Variants in GAB1 observed in about 807,000 individuals in gnomAD.
The protein encoded by GAB1 is GRB2 associated binding protein 1, also known as GRB2-associated-binding protein 1.
In GAB1, 19 loss-of-function variants were observed where a neutral mutation model predicts 66.5. The observed-to-expected ratio is 0.29, with a 90% CI of 0.20 to 0.42. The LOEUF (loss-of-function observed/expected upper bound fraction) is 0.42, where lower values mean the gene tolerates loss of function less well. Ranked by LOEUF, GAB1 falls within the 10% of genes least tolerant of loss-of-function variation. The probability of loss-of-function intolerance (pLI) is 1.00; values close to 1 mark genes in which losing one functional copy is unlikely to be tolerated. For synonymous variants in GAB1, 294 were observed against 301.4 expected, an observed-to-expected ratio of 0.98 and a Z score of 0.25; for missense variants, 732 against 858.5, an observed-to-expected ratio of 0.85 and a Z score of 1.84.
chr4:143,423,763 G>T (rs1733151778), intron 2 of GAB1, among the ~76,000 whole-genome samples: 1 of 121,700 alleles, frequency 8.2e-6, no homozygotes, highest in Admixed American at 1.0e-4. Context: ...GCAACAAAGC[G>T]AGACTCCATC....
intron 1 of GAB1, among the ~76,000 whole-genome samples, chr4:143,368,451 G>A (rs1355392996): frequency 1.3e-5 from 2 of 152,080 alleles, no homozygotes; most frequent in Non-Finnish European, 2.9e-5. Flanking sequence ...GTTGGAGTAG[G>A]AATTATAAAA....
At chr4:143,460,261 A>G in intron 7 of GAB1, 103 bp from the exon 8 acceptor site, 3 of 1,075,148 alleles carry the variant, frequency 2.8e-6, no homozygotes, top group Non-Finnish European at 1.4e-6. Flanking sequence ...AACATAAGGG[A>G]ATATTTCTGA....
chr4:143,382,039 G>A (rs1730678699), intron 1 of GAB1: 1 of 152,198 alleles, frequency 6.6e-6, no homozygotes, highest in South Asian at 2.1e-4. Context: ...AGGTGTGTTT[G>A]CTTTCCTCAA....
chr4:143,376,616 A>C (rs541274820), intron 1 of GAB1, among the ~76,000 whole-genome samples: 1 of 152,348 alleles, frequency 6.6e-6, no homozygotes, highest in African/African-American at 2.4e-5. Context: ...AATAGCTGAG[A>C]TATTAATATT....
At position 143,337,162 on chromosome 4, in the gene GAB1, C is replaced by T. The variant is rs1438657550; in HGVS notation, c.-27C>T. The T allele has an allele frequency of 5.8e-6, 9 of 1,557,492 alleles. No homozygotes were observed. Among genetic ancestry groups the T allele is most frequent in the South Asian group, 1.2e-5 (1 of 84,730 alleles). On this transcript the variant is annotated 5_prime_UTR_variant, in exon 1 of 10. Transcript: ENST00000262994. ...GCGCGCCCGCCGCCCCTCAGCTGCC[C>T]GGCCCGGAGCCCGAGACGCGCGCAC...
At chr4:143,410,451 T>TA (rs1732321784) in intron 1 of GAB1, among the ~76,000 whole-genome samples, 1 of 152,182 alleles carries the variant, frequency 6.6e-6, no homozygotes, top group South Asian at 2.1e-4. Flanking sequence ...TAATCCAGGT[T>TA]AAAAAATGTT....
intron 1 of GAB1, among the ~76,000 whole-genome samples, chr4:143,348,887 C>G (rs1462486700): frequency 2.0e-5 from 3 of 152,136 alleles, no homozygotes; most frequent in Non-Finnish European, 4.4e-5. Context: ...TGCACATGCT[C>G]TCCTCTCCTC....
At chr4:143,426,917 A>G (rs1733388746) in intron 2 of GAB1, among the ~76,000 whole-genome samples, 1 of 152,208 alleles carries the variant, frequency 6.6e-6, no homozygotes, top group South Asian at 2.1e-4. Flanking sequence ...TCACCTCTCT[A>G]TGGTAAATTA....
At chr4:143,367,261 C>G (rs1729920806) in intron 1 of GAB1, among the ~76,000 whole-genome samples, 1 of 126,730 alleles carries the variant, frequency 7.9e-6, no homozygotes. Context: ...ATCCTTGATA[C>G]AGTGATCTAA....
intron 5 of GAB1, 87 bp downstream of exon 5, chr4:143,439,974 A>T (rs1440356426): frequency 7.1e-6 from 10 of 1,399,768 alleles, no homozygotes; most frequent in Middle Eastern, 1.8e-4. Flanking sequence ...TGATATCATG[A>T]AATAAAAGTA....
chr4:143,387,973 G>A (rs917727161), intron 1 of GAB1, among the ~76,000 whole-genome samples: 18 of 152,282 alleles, frequency 1.2e-4, no homozygotes, highest in Admixed American at 7.8e-4. Context: ...AGGGTTTGGG[G>A]ATTTGGGACT....
intron 1 of GAB1, among the ~76,000 whole-genome samples, chr4:143,411,705 C>G (rs1732401486): frequency 6.6e-6 from 1 of 152,172 alleles, no homozygotes; most frequent in South Asian, 2.1e-4. Flanking sequence ...CATAGAGACG[C>G]TTTTGTGCTG....
At chr4:143,451,915 GACAA>G (rs912047933) in intron 6 of GAB1, among the ~76,000 whole-genome samples, 1 of 151,650 alleles carries the variant, frequency 6.6e-6, no homozygotes, top group African/African-American at 2.4e-5. Context: ...AAAAAAATCA[GACAA>G]ACAATTTTTT....
intron 1 of GAB1, among the ~76,000 whole-genome samples, chr4:143,410,217 G>C (rs761952407): frequency 9.9e-5 from 15 of 152,238 alleles, no homozygotes; most frequent in Non-Finnish European, 2.1e-4. Flanking sequence ...GAAAAGATGA[G>C]GGAATTTTGG....
chr4:143,438,210 G>A lies in GAB1; in HGVS notation c.805G>A (p.Val269Ile), dbSNP rs1315336594. The stretch of plus-strand genomic sequence containing the variant: ...CCTGCCCAGGAGTTATTCCCATGAT[G>A]TTTTACCAAAGGTGTCTCCATCAAG... Reference protein sequence around the residue: ...YNLPRSYSHDVLPKVSPSSTE... With the variant: ...YNLPRSYSHDILPKVSPSSTE... Residue 269 changes from valine to isoleucine, a missense_variant, in exon 4 of 10, where the codon GTT becomes ATT. By Grantham distance (29) the Val-to-Ile change is conservative. Transcript: ENST00000262994. 6.2e-7 allele frequency: 1 copy of A among 1,614,032 alleles called. No individual in the cohort carries two copies. Among genetic ancestry groups the A allele is most frequent in the Non-Finnish European group, 8.5e-7 (1 of 1,180,016 alleles).
chr4:143,390,489 T>A (rs1731136554), intron 1 of GAB1, among the ~76,000 whole-genome samples: 1 of 152,004 alleles, frequency 6.6e-6, no homozygotes, highest in Admixed American at 6.6e-5. Flanking sequence ...GACCTGCAGT[T>A]GATTATTTTA....
intron 8 of GAB1, among the ~76,000 whole-genome samples, chr4:143,462,845 A>G (rs748891426): frequency 1.2e-4 from 18 of 152,128 alleles, no homozygotes; most frequent in Non-Finnish European, 2.1e-4. Context: ...TGTTTTTGGT[A>G]GAGACAGGGT....
At chr4:143,466,254 T>A in intron 9 of GAB1, 29 bp downstream of exon 9, 1 of 1,607,988 alleles carries the variant, frequency 6.2e-7, no homozygotes, top group Non-Finnish European at 8.5e-7. Context: ...GTCTCTTCTT[T>A]GTATACAGTT....
intron 1 of GAB1, among the ~76,000 whole-genome samples, chr4:143,352,301 G>A (rs1175877404): frequency 6.6e-6 from 1 of 152,156 alleles, no homozygotes; most frequent in African/African-American, 2.4e-5. Context: ...TACTGTAATT[G>A]GCAGCAGCCA....
Sources: allele counts gnomAD v4.1 joint callset (sites outside exome capture counted in the v4.1 genomes callset), GRCh38; gene constraint gnomAD v4.1.1; transcripts MANE v1.5; gene names NCBI Gene and HGNC (gene_info 2026-07-23, HGNC 2026-07-21).